The following CNTN3 variants were observed in gnomAD, a reference collection of about 807,000 sequenced individuals.
The protein encoded by CNTN3 is contactin-3.
In CNTN3, 60 loss-of-function variants were observed where a neutral mutation model predicts 119.1. The observed-to-expected ratio is 0.50, with a 90% CI of 0.41 to 0.62. The LOEUF is 0.62. Ranked by LOEUF, CNTN3 falls within the 20% of genes least tolerant of loss-of-function variation. The pLI is 0.00. For missense variants in CNTN3, 1,101 were observed against 1,242.4 expected, an observed-to-expected ratio of 0.89 and a Z score of 1.71; for synonymous variants, 450 against 438.7, an observed-to-expected ratio of 1.03 and a Z score of -0.32.
intron 1 of CNTN3, among the ~76,000 whole-genome samples, chr3:74,568,356 ATTCT>A (rs1445595177): frequency 1.3e-5 from 2 of 152,286 alleles, no homozygotes; most frequent in East Asian, 3.9e-4. Flanking sequence ...AGTGGACAAA[ATTCT>A]TTAACTTAAT....
chr3:74,358,196 A>G (rs1227152302), intron 11 of CNTN3, among the ~76,000 whole-genome samples: 1 of 152,192 alleles, frequency 6.6e-6, no homozygotes, highest in Non-Finnish European at 1.5e-5. Context: ...TCTAAGGAGG[A>G]TTGGAACACC....
chr3:74,607,147 G>T lies in CNTN3; in HGVS notation c.-81+7244C>A, dbSNP rs77136224. ...AATGTGAAAGCTTCTTAGGCAAAGG[G>T]AATGCACAGGGGCGAGGGAGGTGCA... On this transcript the variant is annotated intron_variant, in intron 1 of 22. Coordinates refer to ENST00000263665, the MANE Select transcript of CNTN3 (RefSeq NM_020872.3). 5.5e-3 allele frequency among the ~76,000 whole-genome samples: 832 copies of T among 152,210 alleles called. 7 individuals carry two copies. The highest frequency in any genetic ancestry group is 0.01 in the Middle Eastern group (3 of 294).
chr3:74,442,481 T>A (rs947902133), intron 4 of CNTN3, among the ~76,000 whole-genome samples: 1 of 152,174 alleles, frequency 6.6e-6, no homozygotes, highest in African/African-American at 2.4e-5. Context: ...AAATAATTAT[T>A]ACCTTTTAAG....
chr3:74,401,516 GCA>G (rs139654677), intron 5 of CNTN3, among the ~76,000 whole-genome samples: 1,641 of 150,534 alleles, frequency 0.011, 18 homozygotes, highest in African/African-American at 0.038. Flanking sequence ...ACGCGCGCAC[GCA>G]CACACACACA....
intron 6 of CNTN3, 131 bp from the exon 7 acceptor site, chr3:74,370,122 A>T: frequency 1.8e-6 from 1 of 554,078 alleles, no homozygotes; most frequent in Non-Finnish European, 3.2e-6. Flanking sequence ...AATAAAATTT[A>T]GTCTATGCAG....
intron 19 of CNTN3, among the ~76,000 whole-genome samples, chr3:74,293,473 T>C (rs984918323): frequency 1.3e-5 from 2 of 152,178 alleles, no homozygotes; most frequent in Non-Finnish European, 2.9e-5. Context: ...TACTTTATTC[T>C]GGCTGCCCCC....
At chr3:74,299,326 A>T (rs1702407525) in intron 17 of CNTN3, among the ~76,000 whole-genome samples, 1 of 152,034 alleles carries the variant, frequency 6.6e-6, no homozygotes. Context: ...GTACTTTTTG[A>T]CTTCAAACCT....
intron 5 of CNTN3, among the ~76,000 whole-genome samples, chr3:74,412,284 G>A (rs1179881111): frequency 2.0e-5 from 3 of 152,016 alleles, no homozygotes; most frequent in Non-Finnish European, 2.9e-5. Flanking sequence ...CCTCACTTTG[G>A]GGGCATAAAA....
intron 11 of CNTN3, among the ~76,000 whole-genome samples, chr3:74,358,677 G>A (rs2106765249): frequency 6.8e-6 from 1 of 147,304 alleles, no homozygotes; most frequent in Non-Finnish European, 1.5e-5. Flanking sequence ...AGTTACATAT[G>A]TATACATGTG....
chr3:74,503,782 A>AT (rs1399548538), intron 2 of CNTN3, among the ~76,000 whole-genome samples: 4 of 152,064 alleles, frequency 2.6e-5, no homozygotes, highest in African/African-American at 4.8e-5. Flanking sequence ...TGACAGGGGC[A>AT]TTTTTTTGAC....
chr3:74,482,474 C>G (rs1702779395), intron 4 of CNTN3, among the ~76,000 whole-genome samples: 1 of 151,958 alleles, frequency 6.6e-6, no homozygotes, highest in South Asian at 2.1e-4. Flanking sequence ...GTAAACATAT[C>G]AGATGTATGG....
At chr3:74,316,228 T>A (rs576740129) in intron 13 of CNTN3, among the ~76,000 whole-genome samples, 1 of 151,992 alleles carries the variant, frequency 6.6e-6, no homozygotes, top group African/African-American at 2.4e-5. Context: ...AAAAAACATA[T>A]GAAAAAATGC....
At chr3:74,403,983 C>T (rs546577821) in intron 5 of CNTN3, among the ~76,000 whole-genome samples, 2 of 151,974 alleles carry the variant, frequency 1.3e-5, no homozygotes, top group Non-Finnish European at 2.9e-5. Context: ...TTCCCAAACT[C>T]GTAATACTTT....
intron 8 of CNTN3, 138 bp downstream of exon 8, chr3:74,369,051 T>C: frequency 1.9e-6 from 1 of 528,646 alleles, no homozygotes; most frequent in Non-Finnish European, 3.0e-6. Flanking sequence ...TCAATGTTTA[T>C]CATCACTTAA....
At chr3:74,488,440 A>G (rs1003152441) in intron 3 of CNTN3, among the ~76,000 whole-genome samples, 2 of 152,098 alleles carry the variant, frequency 1.3e-5, no homozygotes, top group African/African-American at 4.8e-5. Flanking sequence ...GGTATTTTAA[A>G]GCTCTCATGG....
intron 4 of CNTN3, among the ~76,000 whole-genome samples, chr3:74,481,414 A>C (rs1702761323): frequency 1.3e-5 from 2 of 151,878 alleles, no homozygotes; most frequent in South Asian, 4.1e-4. Flanking sequence ...TTCTCTGGTC[A>C]ATGGGATACT....
intron 4 of CNTN3, among the ~76,000 whole-genome samples, chr3:74,456,661 A>G (rs1575744672): frequency 6.6e-6 from 1 of 152,068 alleles, no homozygotes; most frequent in East Asian, 1.9e-4. Context: ...CTAAAACAAA[A>G]CATTTGGATT....
intron 13 of CNTN3, among the ~76,000 whole-genome samples, chr3:74,331,858 C>T (rs1235236327): frequency 1.3e-5 from 2 of 152,128 alleles, no homozygotes; most frequent in Non-Finnish European, 2.9e-5. Flanking sequence ...TGTCATCATG[C>T]TCCTTTGGCA....
At chr3:74,521,373 T>C (rs1340805102) in intron 1 of CNTN3, among the ~76,000 whole-genome samples, 181 bp from the exon 2 acceptor site, 1 of 151,376 alleles carries the variant, frequency 6.6e-6, no homozygotes, top group African/African-American at 2.4e-5. Context: ...TTAAAAAACA[T>C]GTAACTCATA....
Sources: gnomAD v4.1 joint callset for allele counts (sites outside exome capture counted in the v4.1 genomes callset) on GRCh38, gnomAD v4.1.1 for gene constraint, MANE v1.5 for transcripts, NCBI Gene and HGNC (gene_info 2026-07-23, HGNC 2026-07-21) for gene names.